The following PPFIA1 variants were observed in gnomAD, a reference collection of about 807,000 sequenced individuals.
PPFIA1 encodes the protein liprin-alpha-1.
In PPFIA1, 25 loss-of-function variants were observed where a neutral mutation model predicts 149.9. The ratio of observed to expected loss-of-function variants is 0.17; its 90% confidence interval spans 0.12 to 0.23. PPFIA1 has a LOEUF of 0.23. PPFIA1 is among the 10% of genes least tolerant of loss of function. The pLI, the probability that PPFIA1 is intolerant of heterozygous loss-of-function variation, is 1.00. For synonymous variants in PPFIA1, 549 were observed against 552.8 expected (o/e 0.99, Z 0.10); for missense variants, 1,362 against 1,506.5 (o/e 0.90, Z 1.59).
intron 7 of PPFIA1, among the ~76,000 whole-genome samples, chr11:70,329,412 G>T (rs1211773728): frequency 2.0e-5 from 3 of 152,122 alleles, no homozygotes; most frequent in African/African-American, 7.2e-5. Flanking sequence ...TGAGAAAATT[G>T]ACATCTTCAT....
At chr11:70,291,891 G>T (rs1245059113) in intron 2 of PPFIA1, among the ~76,000 whole-genome samples, 1 of 146,844 alleles carries the variant, frequency 6.8e-6, no homozygotes, top group Non-Finnish European at 1.5e-5. Flanking sequence ...AGGCTGGAGT[G>T]TAGTGGTGCG....
chr11:70,348,099 T>C (rs566287354), intron 15 of PPFIA1, 90 bp from the exon 16 acceptor site: 73 of 1,056,860 alleles, frequency 6.9e-5, no homozygotes, highest in African/African-American at 3.6e-4. Flanking sequence ...TTACTCATAG[T>C]AATACAGAGT....
chr11:70,327,179 C>G (rs567623926), intron 7 of PPFIA1: 2 of 216,418 alleles, frequency 9.2e-6, no homozygotes, highest in Admixed American at 5.4e-5. Flanking sequence ...TTAATTTGTT[C>G]TTATGTTCAG....
intron 21 of PPFIA1, chr11:70,367,475 T>A (rs1374042070): frequency 2.2e-6 from 1 of 455,312 alleles, no homozygotes; most frequent in Non-Finnish European, 4.4e-6. Flanking sequence ...TCCCATTTTA[T>A]GGAGTTCATA....
chr11:70,309,902 C>T (rs545899643), intron 2 of PPFIA1, among the ~76,000 whole-genome samples: 106 of 151,768 alleles, frequency 7.0e-4, no homozygotes, highest in Middle Eastern at 3.4e-3. Flanking sequence ...TGGGGGGTGA[C>T]GAAAATGTTT....
chr11:70,281,994 A>G (rs1461366446), intron 2 of PPFIA1, among the ~76,000 whole-genome samples: 4 of 150,818 alleles, frequency 2.7e-5, no homozygotes, highest in African/African-American at 4.9e-5. Context: ...TAGGGAGCAT[A>G]CAGAACCCAC....
intron 2 of PPFIA1, among the ~76,000 whole-genome samples, chr11:70,288,695 A>G (rs1647079558): frequency 6.6e-6 from 1 of 152,196 alleles, no homozygotes. Flanking sequence ...AGGACACTGC[A>G]TATTAGAGTC....
chr11:70,277,060 A>ATATTATAATATATATATATATATATATTT, intron 2 of PPFIA1, among the ~76,000 whole-genome samples: 7 of 66,308 alleles, frequency 1.1e-4, no homozygotes, highest in African/African-American at 8.2e-4. Context: ...ATATATATAT[A>ATATTATAATATATATATATATATATATTT]TTTTTTTTTT....
rs188833328 is a variant in PPFIA1, at chr11:70,308,940, A to G, written c.265-15462A>G. Reference sequence around the variant, plus strand: ...TCTCTCGAAGAGATAAACAAATGTAAGAATAAAAAGGTGATTGTAGAAGGC... The same window carrying G: ...TCTCTCGAAGAGATAAACAAATGTAGGAATAAAAAGGTGATTGTAGAAGGC... On this transcript the variant is annotated intron_variant, in intron 2 of 27. Coordinates refer to ENST00000253925, the MANE Select transcript of PPFIA1 (RefSeq NM_003626.5). 1.6e-4 allele frequency among the ~76,000 whole-genome samples: 25 copies of G among 152,308 alleles called. No individual in the cohort carries two copies. In the East Asian group the frequency reaches 4.6e-3, roughly 28 times the overall value.
chr11:70,271,657 T>G (rs2050101663), intron 1 of PPFIA1, among the ~76,000 whole-genome samples: 1 of 152,146 alleles, frequency 6.6e-6, no homozygotes, highest in South Asian at 2.1e-4. Context: ...CAGGGAGCCG[T>G]CAGTTCTTCC....
At chr11:70,325,109 A>G in intron 4 of PPFIA1, 98 bp downstream of exon 4, 1 of 1,191,714 alleles carries the variant, frequency 8.4e-7, no homozygotes, top group East Asian at 2.5e-5. Flanking sequence ...AGCTTCTTGA[A>G]TTCTTGGAAA....
At position 70,326,239 on chromosome 11, in the gene PPFIA1, C is replaced by A. The variant is rs768695396; in HGVS notation, c.607-23C>A. The A allele has an allele frequency of 8.0e-6, 11 of 1,366,808 alleles. No homozygotes were observed. The East Asian group carries it at 1.7e-4, about 21-fold the overall frequency. 84.7% of individuals were successfully genotyped at this position (1,366,808 alleles called of 1,614,324 possible). Reference sequence around the variant, plus strand: ...TCTCTTATGTAAGGTATTTTACACTCATATTCAATTTTTTGCTTTCAGCTA... The same window carrying A: ...TCTCTTATGTAAGGTATTTTACACTAATATTCAATTTTTTGCTTTCAGCTA... On this transcript the variant is annotated intron_variant, in intron 5 of 27. Transcript: ENST00000253925.
At chr11:70,294,625 A>C (rs1380885119) in intron 2 of PPFIA1, among the ~76,000 whole-genome samples, 1 of 150,050 alleles carries the variant, frequency 6.7e-6, no homozygotes, top group Non-Finnish European at 1.5e-5. Flanking sequence ...GGGTCATAGG[A>C]CAATAGTGGA....
Position 70,372,232 on chromosome 11 carries a change from C to T in PPFIA1, c.2883C>T (p.Asp961=), listed in dbSNP as rs2057300639. 2 of 1,613,786 alleles carry T rather than the reference C, an allele frequency of 1.2e-6. No homozygotes were observed. The highest frequency in any genetic ancestry group is 1.3e-5 in the African/African-American group (1 of 74,912). ...AAAAGCAGACACTCGCCTATGGGGA[C>T]ATGAACCACGAGTGGATCGGCAACG... ...PTSRTTLAYG[D]MNHEWIGNEW... Residue 961 remains aspartate (D), a synonymous_variant, in exon 22 of 28, where the codon GAC becomes GAT. Transcript: ENST00000253925.
chr11:70,272,460 C>G, intron 2 of PPFIA1, 24 bp downstream of exon 2: 4 of 1,559,310 alleles, frequency 2.6e-6, no homozygotes, highest in Non-Finnish European at 3.5e-6. Context: ...TAACCTGAAA[C>G]TATAGATTTT....
chr11:70,286,106 G>T (rs909207416), intron 2 of PPFIA1, among the ~76,000 whole-genome samples: 1 of 152,130 alleles, frequency 6.6e-6, no homozygotes, highest in Non-Finnish European at 1.5e-5. Context: ...ACTGTGCCTC[G>T]CAGGTGCCTT....
At chr11:70,358,326 AT>A (rs945314942) in intron 19 of PPFIA1, 2 of 152,152 alleles carry the variant, frequency 1.3e-5, no homozygotes, top group African/African-American at 4.8e-5. Flanking sequence ...GGTTCAAGTG[AT>A]TCTCCTGCCT....
chr11:70,276,068 C>T (rs777517041), intron 2 of PPFIA1, among the ~76,000 whole-genome samples: 6 of 152,120 alleles, frequency 3.9e-5, no homozygotes, highest in Non-Finnish European at 7.4e-5. Flanking sequence ...TCTTTTGAGA[C>T]AGTCATGTGA....
At chr11:70,285,902 C>G (rs776783617) in intron 2 of PPFIA1, among the ~76,000 whole-genome samples, 25 of 152,008 alleles carry the variant, frequency 1.6e-4, no homozygotes, top group Non-Finnish European at 2.9e-4. Context: ...GGTTATTTAG[C>G]CCACATTTTT....
Sources: gnomAD v4.1 joint callset for allele counts (sites outside exome capture counted in the v4.1 genomes callset) on GRCh38, gnomAD v4.1.1 for gene constraint, MANE v1.5 for transcripts, NCBI Gene and HGNC (gene_info 2026-07-23, HGNC 2026-07-21) for gene names.